The following SYNE2 variants were observed in gnomAD, a reference collection of about 807,000 sequenced individuals.
SYNE2 encodes the protein spectrin repeat containing nuclear envelope protein 2, also known as nesprin-2.
Under a neutral mutation model 856.3 loss-of-function variants are expected in SYNE2, and 431 were observed. That is an observed-to-expected ratio of 0.50 (90% CI 0.47 to 0.55). The LOEUF is 0.55. Among genes scored for constraint, SYNE2 ranks in the 20% least tolerant of loss-of-function variants. The pLI, the probability that SYNE2 is intolerant of heterozygous loss-of-function variation, is 0.00. For missense variants in SYNE2, 8,129 were observed against 8,023.2 expected, an observed-to-expected ratio of 1.01 and a Z score of -0.50; for synonymous variants, 2,923 against 2,872.3, an observed-to-expected ratio of 1.02 and a Z score of -0.56.
chr14:64,189,459 A>C (rs1280654923), intron 98 of SYNE2, among the ~76,000 whole-genome samples: 1 of 152,160 alleles, frequency 6.6e-6, no homozygotes, highest in Non-Finnish European at 1.5e-5. Context: ...GTCACCTAAA[A>C]CACCACCCAG....
intron 1 of SYNE2, among the ~76,000 whole-genome samples, chr14:63,892,729 C>CTTTTTTTTTTTTT (rs11293385): frequency 7.7e-6 from 1 of 130,248 alleles, no homozygotes; most frequent in Non-Finnish European, 1.6e-5. Flanking sequence ...GGTGTACTTT[C>CTTTTTTTTTTTTT]TTTTTTTTTT....
Position 63,991,052 on chromosome 14 carries a change from G to A in SYNE2, c.2583G>A (p.Met861Ile). The change falls in exon 21 of 116, where the codon ATG (methionine) becomes ATA (isoleucine). Residue 861 changes from methionine (M) to isoleucine (I), a missense_variant. Physicochemically the swap from Met to Ile is conservative, Grantham distance 10. Transcript: ENST00000555002. ...EESQKELESY[M>I]MRAQQLLGQR... is the part of the protein sequence containing the mutation. ...CCCAGAAGGAACTTGAATCATATATGATGAGGGCTCAGCAGTTACTGGGGC... is the reference window on the plus strand; with the variant it reads ...CCCAGAAGGAACTTGAATCATATATAATGAGGGCTCAGCAGTTACTGGGGC... 1.9e-6 allele frequency: 3 copies of A among 1,614,120 alleles called. No homozygotes were observed. Among genetic ancestry groups the A allele is most frequent in the Non-Finnish European group, 2.5e-6 (3 of 1,180,002 alleles).
chr14:63,904,866 A>G (rs773323745), intron 1 of SYNE2, among the ~76,000 whole-genome samples: 1 of 152,176 alleles, frequency 6.6e-6, no homozygotes, highest in Non-Finnish European at 1.5e-5. Flanking sequence ...AGACTTAGCC[A>G]AAAGTTCTTT....
intron 1 of SYNE2, among the ~76,000 whole-genome samples, chr14:63,803,203 C>G (rs183855369): frequency 6.6e-6 from 1 of 152,370 alleles, no homozygotes; most frequent in Admixed American, 6.5e-5. Context: ...CTGGCTTCAC[C>G]TAGTGGATCC....
chr14:64,116,584 AT>A (rs2097855375), intron 66 of SYNE2, among the ~76,000 whole-genome samples: 1 of 152,046 alleles, frequency 6.6e-6, no homozygotes, highest in South Asian at 2.1e-4. Flanking sequence ...CATCTGGCTA[AT>A]TTTTGTATTT....
chr14:64,214,477 G>A lies in SYNE2; in HGVS notation c.19333+7G>A, dbSNP rs779312321. ...TACTACAGCGCACTGTCAGGTAACAGCTGGGTTCCCAGCACCCTGGAAAGT... is the reference window on the plus strand; with the variant it reads ...TACTACAGCGCACTGTCAGGTAACAACTGGGTTCCCAGCACCCTGGAAAGT... On this transcript the variant is annotated splice_region_variant and intron_variant, in intron 106 of 115. Transcript: ENST00000555002. The A allele has an allele frequency of 2.8e-5, 45 of 1,608,308 alleles. No homozygotes were observed. In the East Asian group the frequency reaches 9.8e-4, roughly 35 times the overall value.
intron 99 of SYNE2, among the ~76,000 whole-genome samples, chr14:64,198,543 T>C (rs577454193): frequency 5.1e-4 from 77 of 152,312 alleles, no homozygotes; most frequent in African/African-American, 1.8e-3. Context: ...TTTGGAGGTA[T>C]TAGGCCTCTG....
chr14:64,159,537 C>T lies in SYNE2; in HGVS notation c.16094+95C>T, dbSNP rs899527481. 3 of 1,409,484 alleles carry T rather than the reference C, an allele frequency of 2.1e-6. No individual in the cohort carries two copies. The Admixed American group carries it at 5.5e-5, about 26-fold the overall frequency. The allele number at this position is 1,409,484 out of a possible 1,614,324, so 87.3% of individuals were successfully genotyped here. On this transcript the variant is annotated intron_variant, in intron 87 of 115. Coordinates refer to ENST00000555002, the MANE Select transcript of SYNE2 (RefSeq NM_182914.3). Reference sequence around the variant, plus strand: ...TAGGCATTGTAAAGTCTTCTTCCTCCTCTGAGATGACTGGTTTCCTACTGT... The same window carrying T: ...TAGGCATTGTAAAGTCTTCTTCCTCTTCTGAGATGACTGGTTTCCTACTGT...
At chr14:64,009,874 C>A in intron 31 of SYNE2, 92 bp from the exon 32 acceptor site, 2 of 1,164,808 alleles carry the variant, frequency 1.7e-6, no homozygotes, top group African/African-American at 1.5e-5. Context: ...TCCTTTACAC[C>A]TTATTCATCA....
At chr14:64,223,134 C>G in intron 112 of SYNE2, 55 bp from the exon 113 acceptor site, 1 of 1,601,302 alleles carries the variant, frequency 6.2e-7, no homozygotes, top group Non-Finnish European at 8.5e-7. Context: ...CTCCTGTGTC[C>G]ACACTCGCTT....
chr14:63,771,520 CAT>C lies in SYNE2; in HGVS notation c.-305+9537_-305+9538del, dbSNP rs927259980. Among the ~76,000 whole-genome samples the C allele has an allele frequency of 5.9e-5, 9 of 152,316 alleles. No homozygotes were observed. In the South Asian group the frequency reaches 1.2e-3, roughly 21 times the overall value. ...AAACTTTGGCACAAACACCAACAAA[CAT>C]ATGTGGGAATTTCTTGGCTAAAGTG... On this transcript the variant is annotated intron_variant, in intron 1 of 23. Transcript: ENST00000674003.
In SYNE2 at chr14:63,983,850, A is replaced by G; in HGVS notation, c.2115A>G (p.Ser705=). ...CTGTTGAGTTTTCAACAGATATGTC[A>G]GTAGAACTTCCTGAAAATTATAATC... ...KATVEFSTDM[S]VELPENYNQN... is the part of the protein sequence containing the mutation. The change falls in exon 18 of 116, where the codon TCA becomes TCG. Residue 705 remains serine (S), a synonymous_variant. Coordinates refer to ENST00000555002, the MANE Select transcript of SYNE2 (RefSeq NM_182914.3). 6.3e-7 allele frequency: 1 copy of G among 1,584,348 alleles called. No individual in the cohort carries two copies. The highest frequency in any genetic ancestry group is 1.1e-5 in the South Asian group (1 of 89,256).
intron 1 of SYNE2, among the ~76,000 whole-genome samples, chr14:63,854,287 TG>T (rs1459422850): frequency 2.6e-5 from 4 of 152,106 alleles, no homozygotes; most frequent in Admixed American, 2.0e-4. Context: ...TTTTTAGAGT[TG>T]GGGAATACAA....
At chr14:63,997,755 C>G (rs982453089) in intron 25 of SYNE2, among the ~76,000 whole-genome samples, 8 of 152,156 alleles carry the variant, frequency 5.3e-5, no homozygotes, top group African/African-American at 1.9e-4. Context: ...TATCATTTGC[C>G]TTTTCTTCTG....
Position 64,007,049 on chromosome 14 carries a change from A to C in SYNE2, c.4404A>C (p.Lys1468Asn), listed in dbSNP as rs772568534. Residue 1468 changes from lysine to asparagine, a missense_variant, in exon 31 of 116, where the codon AAA becomes AAC. Lys to Asn is a moderately conservative substitution (Grantham distance 94). Around this residue, in one of 3 missense-constraint regions of SYNE2, gnomAD observed 2,422 missense variants for 2,357.4 expected, o/e 1.03. Coordinates refer to ENST00000555002, the MANE Select transcript of SYNE2 (RefSeq NM_182914.3). Reference protein sequence around the residue: ...PTVPAVKHRKKSLIRLDKVLD... With the variant: ...PTVPAVKHRKNSLIRLDKVLD... ...TTTCTCATTCATAATCAAGGAAAAA[A>C]TCATTAATCAGACTGGATAAGGTTC... The C allele has an allele frequency of 1.2e-6, 2 of 1,612,668 alleles. No individual in the cohort carries two copies.
rs375543783 is a variant in SYNE2, at chr14:64,027,764, C to G, written c.6685C>G (p.Leu2229Val). The change falls in exon 43 of 116, where the codon CTA becomes GTA. Residue 2229 changes from leucine (L) to valine (V), a missense_variant. Leu to Val is a conservative substitution (Grantham distance 32, BLOSUM62 1). Coordinates refer to ENST00000555002, the MANE Select transcript of SYNE2 (RefSeq NM_182914.3). ...AGAGCCTTGGCTGGAAATAAAGCAT[C>G]TACACGAAAGTCTTCTTCAACAACT... The part of the protein sequence containing the change: ...SEEPWLEIKH[L>V]HESLLQQLQD... The G allele has an allele frequency of 1.0e-4, 165 of 1,613,982 alleles. No homozygotes were observed. Among genetic ancestry groups the G allele is most frequent in the Non-Finnish European group, 1.4e-4 (161 of 1,179,998 alleles).
rs1365486261 is a variant in SYNE2, at chr14:63,981,181, C to G, written c.1836+8C>G. The G allele has an allele frequency of 5.5e-5, 88 of 1,605,268 alleles. No homozygotes were observed. The highest frequency in any genetic ancestry group is 7.4e-5 in the Non-Finnish European group (87 of 1,172,266). On this transcript the variant is annotated splice_region_variant and intron_variant, in intron 16 of 115. Transcript: ENST00000555002. ...AAGGAAGAAATTAAAGAGGTATTTG[C>G]AGTCTAATAGCATCTGCTCAATTTT...
chr14:63,912,312 C>G (rs76262030), intron 2 of SYNE2, among the ~76,000 whole-genome samples: 1 of 151,964 alleles, frequency 6.6e-6, no homozygotes, highest in African/African-American at 2.4e-5. Flanking sequence ...TCTAAAGGCA[C>G]CTTTGCTTTC....
chr14:63,909,232 T>A lies in SYNE2; in HGVS notation c.79+5T>A, dbSNP rs776230510. ...ATCTCCATATTTCATTGCAAGGTAATTAAGATTGGGTGGGGGTAACACCCA... is the reference window on the plus strand; with the variant it reads ...ATCTCCATATTTCATTGCAAGGTAAATAAGATTGGGTGGGGGTAACACCCA... On this transcript the variant is annotated splice_donor_5th_base_variant and intron_variant, in intron 2 of 115. Transcript: ENST00000555002. The A allele has an allele frequency of 6.2e-7, 1 of 1,606,938 alleles. No individual in the cohort carries two copies. Among genetic ancestry groups the A allele is most frequent in the Non-Finnish European group, 8.5e-7 (1 of 1,174,352 alleles).
Sources: allele counts gnomAD v4.1 joint callset (sites outside exome capture counted in the v4.1 genomes callset), GRCh38; gene constraint gnomAD v4.1.1; regional missense constraint gnomAD v4.1.1; transcripts MANE v1.5; gene names NCBI Gene and HGNC (gene_info 2026-07-23, HGNC 2026-07-21).